CNOT4: variants seen among roughly 807,000 people sequenced by gnomAD.
CNOT4 encodes CCR4-associated factor 4.
In CNOT4, 8 loss-of-function variants were observed where a neutral mutation model predicts 73.8. The observed-to-expected ratio is 0.11, with a 90% CI of 0.06 to 0.20. The LOEUF (loss-of-function observed/expected upper bound fraction) is 0.20. Ranked by LOEUF, CNOT4 falls within the 10% of genes least tolerant of loss-of-function variation. The probability of loss-of-function intolerance (pLI) is 1.00; values close to 1 mark genes in which losing one functional copy is unlikely to be tolerated. For synonymous variants in CNOT4, 293 were observed against 321.1 expected (o/e 0.91, Z 0.94); for missense variants, 564 against 883.4 (o/e 0.64, Z 4.58).
At chr7:135,387,535 C>T (rs1395675574) in intron 10 of CNOT4, 37 of 969,576 alleles carry the variant, frequency 3.8e-5, no homozygotes, top group Non-Finnish European at 2.8e-5. Flanking sequence ...TTTTTGTATT[C>T]ACATTATCCC....
chr7:135,499,002 T>G (rs189408244), intron 1 of CNOT4, among the ~76,000 whole-genome samples: 2 of 152,168 alleles, frequency 1.3e-5, no homozygotes, highest in Non-Finnish European at 1.5e-5. Flanking sequence ...TAAGGACTCA[T>G]AGAGAATTCA....
At chr7:135,497,251 A>C (rs1585736679) in intron 1 of CNOT4, among the ~76,000 whole-genome samples, 1 of 151,984 alleles carries the variant, frequency 6.6e-6, no homozygotes, top group Non-Finnish European at 1.5e-5. Context: ...TTACCAAAAA[A>C]TACAATAATT....
intron 1 of CNOT4, among the ~76,000 whole-genome samples, chr7:135,469,960 T>G (rs1322028636): frequency 6.6e-6 from 1 of 152,124 alleles, no homozygotes; most frequent in Non-Finnish European, 1.5e-5. Context: ...TAGCTGGGAC[T>G]AGAGGCATGC....
chr7:135,430,739 C>T (rs1798778720), intron 2 of CNOT4, among the ~76,000 whole-genome samples: 1 of 152,028 alleles, frequency 6.6e-6, no homozygotes, highest in Non-Finnish European at 1.5e-5. Context: ...AGGTATTTGG[C>T]AAAATTCAAC....
At chr7:135,422,023 T>C in intron 3 of CNOT4, 133 bp downstream of exon 3, 1 of 605,774 alleles carries the variant, frequency 1.7e-6, no homozygotes, top group African/African-American at 1.9e-5. Flanking sequence ...TATTCAAAAG[T>C]AATTTCTTAT....
chr7:135,461,157 C>T (rs1462740861), intron 1 of CNOT4, among the ~76,000 whole-genome samples: 2 of 152,022 alleles, frequency 1.3e-5, no homozygotes, highest in African/African-American at 4.8e-5. Context: ...GTGTGCCAGT[C>T]ACATTTTTTT....
intron 1 of CNOT4, among the ~76,000 whole-genome samples, chr7:135,483,284 G>T (rs1159517326): frequency 1.3e-5 from 2 of 151,342 alleles, no homozygotes; most frequent in Non-Finnish European, 2.9e-5. Context: ...GCTACAGTGA[G>T]CCATAATCAT....
At chr7:135,411,258 T>C (rs971099547) in intron 6 of CNOT4, among the ~76,000 whole-genome samples, 5 of 152,058 alleles carry the variant, frequency 3.3e-5, no homozygotes, top group Non-Finnish European at 4.4e-5. Flanking sequence ...GTCAGCAATT[T>C]ACAGCCAGTT....
intron 10 of CNOT4, chr7:135,387,438 C>T (rs1585567070): frequency 1.0e-6 from 1 of 983,366 alleles, no homozygotes; most frequent in African/African-American, 1.7e-5. Context: ...ATAGAGGTAA[C>T]CTTGAAAACT....
chr7:135,363,524 T>C lies in CNOT4; in HGVS notation c.1840+330A>G, dbSNP rs1198136660. ...ACAAGACAGCCTTATAATAGAGAGC[T>C]TTATAACAAAAAGTGGAGTATGTTC... On this transcript the variant is annotated intron_variant, in intron 11 of 11. Transcript: ENST00000541284. This position sits in a 1 kb window ranked among gnomAD's most constrained non-coding sequence, Gnocchi z 4.3. 6.6e-6 allele frequency among the ~76,000 whole-genome samples: 1 copy of C among 152,186 alleles called. No individual in the cohort carries two copies. Among genetic ancestry groups the C allele is most frequent in the Non-Finnish European group, 1.5e-5 (1 of 68,034 alleles).
intron 3 of CNOT4, among the ~76,000 whole-genome samples, chr7:135,418,169 C>T (rs984353705): frequency 6.6e-6 from 1 of 152,146 alleles, no homozygotes; most frequent in South Asian, 2.1e-4. Context: ...TAGCAAATGG[C>T]AAGCGGTTGA....
In CNOT4 at chr7:135,491,452, A is replaced by C. The variant is rs139889619; in HGVS notation, c.-93+18437T>G. ...TGTAGTAGCCTAAAAGGCAAGTTAA[A>C]CAAGTATATCAAAGACAAGGAGAAA... On this transcript the variant is annotated intron_variant, in intron 1 of 11. Transcript: ENST00000541284. Among the ~76,000 whole-genome samples, 774 of 152,332 alleles carry C rather than the reference A, an allele frequency of 5.1e-3. 12 individuals carry two copies. Among genetic ancestry groups the C allele is most frequent in the African/African-American group, 0.018 (741 of 41,580 alleles).
rs117787053 is a variant in CNOT4, at chr7:135,450,914, G to A, written c.-92-12491C>T. Among the ~76,000 whole-genome samples, 177 of 152,028 alleles carry A rather than the reference G, an allele frequency of 1.2e-3. 2 individuals are homozygous for A. In the East Asian group the frequency reaches 0.024, roughly 21 times the overall value. The stretch of plus-strand genomic sequence containing the variant: ...AGAGGTTGCAGTGAGCCGAGATCAC[G>A]CCACTGCACTCCAGCCTAGGTGACA... On this transcript the variant is annotated intron_variant, in intron 1 of 11. Coordinates refer to ENST00000541284, the MANE Select transcript of CNOT4 (RefSeq NM_001190850.2).
At chr7:135,502,456 T>A (rs548201872) in intron 1 of CNOT4, among the ~76,000 whole-genome samples, 130 of 152,368 alleles carry the variant, frequency 8.5e-4, no homozygotes, top group Middle Eastern at 3.4e-3. Context: ...CTTGACAAGA[T>A]AAACTCTACA....
intron 1 of CNOT4, 45 bp downstream of exon 1, chr7:135,509,844 G>C: frequency 2.6e-6 from 1 of 391,122 alleles, no homozygotes; most frequent in Non-Finnish European, 4.5e-6. Context: ...TCTCGTAGCC[G>C]GTCAGCCCCG....
At chr7:135,411,298 A>T (rs1797575742) in intron 6 of CNOT4, among the ~76,000 whole-genome samples, 1 of 152,092 alleles carries the variant, frequency 6.6e-6, no homozygotes, top group Non-Finnish European at 1.5e-5. Flanking sequence ...GTTTTACTGG[A>T]ACATGGTCAT....
chr7:135,417,785 A>T (rs781661550), intron 3 of CNOT4, among the ~76,000 whole-genome samples: 4 of 152,122 alleles, frequency 2.6e-5, no homozygotes, highest in Non-Finnish European at 5.9e-5. Context: ...CTTTCTCACC[A>T]CTGCAATCTA....
intron 1 of CNOT4, among the ~76,000 whole-genome samples, chr7:135,490,210 G>A (rs982169067): frequency 3.9e-5 from 6 of 152,092 alleles, no homozygotes; most frequent in African/African-American, 1.4e-4. Flanking sequence ...TCATTCTGTT[G>A]AAACATTATT....
Position 135,394,427 on chromosome 7 carries a change from A to G in CNOT4, c.1130-12T>C, listed in dbSNP as rs1229823673. On this transcript the variant is annotated splice_polypyrimidine_tract_variant and intron_variant, in intron 9 of 11. Coordinates refer to ENST00000541284, the MANE Select transcript of CNOT4 (RefSeq NM_001190850.2). ...TACTGGGATTGTTTCTGTTGGGAAG[A>G]AAAATAGTGATGAATATCAGATACA... 1.3e-6 allele frequency: 2 copies of G among 1,581,336 alleles called. No individual in the cohort carries two copies. Among genetic ancestry groups the G allele is most frequent in the Non-Finnish European group, 1.7e-6 (2 of 1,161,376 alleles).
Sources: allele counts gnomAD v4.1 joint callset (sites outside exome capture counted in the v4.1 genomes callset), GRCh38; gene constraint gnomAD v4.1.1; non-coding constraint Gnocchi (gnomAD v3.1); transcripts MANE v1.5; gene names NCBI Gene and HGNC (gene_info 2026-07-23, HGNC 2026-07-21).